The following DMXL1 variants were observed in gnomAD, a reference collection of about 807,000 sequenced individuals.
DMXL1 encodes the protein Dmx like 1, also known as dmX-like protein 1.
In DMXL1, 99 loss-of-function variants were observed where a neutral mutation model predicts 319.2. That is an observed-to-expected ratio of 0.31 (90% confidence interval 0.26 to 0.37). The LOEUF (loss-of-function observed/expected upper bound fraction) is 0.37. Ranked by LOEUF, DMXL1 falls within the 10% of genes least tolerant of loss-of-function variation. The pLI is 1.00. For synonymous variants in DMXL1, 1,385 were observed against 1,235.2 expected, an observed-to-expected ratio of 1.12 and a Z score of -2.54; for missense variants, 3,745 against 3,595.6, an observed-to-expected ratio of 1.04 and a Z score of -1.06.
chr5:119,130,353 GTTTT>G (rs1011590087), intron 10 of DMXL1, among the ~76,000 whole-genome samples: 4 of 149,448 alleles, frequency 2.7e-5, no homozygotes, highest in African/African-American at 7.4e-5. Flanking sequence ...TTGTTTGTTT[GTTTT>G]TTTTTGATGG....
At chr5:119,220,624 T>C (rs1304160986) in intron 36 of DMXL1, 31 bp downstream of exon 36, 1 of 1,602,274 alleles carries the variant, frequency 6.2e-7, no homozygotes, top group Non-Finnish European at 8.5e-7. Context: ...TATTTAGTAA[T>C]GTTGCAATAT....
At position 119,244,479 on chromosome 5, in the gene DMXL1, G is replaced by C. The variant is rs778128238; in HGVS notation, c.8825G>C (p.Arg2942Thr). 2.5e-6 allele frequency: 4 copies of C among 1,614,040 alleles called. No individual in the cohort carries two copies. The part of the protein sequence containing the change: ...YVFDLCQRQQ[R>T]QLFQSHDSPV... ...TTTGACCTTTGTCAACGACAACAGA[G>C]GCAGCTTTTCCAGAGCCATGATTCT... The change falls in exon 43 of 44, where the codon AGG becomes ACG. Residue 2942 changes from arginine (R) to threonine (T), a missense_variant. Coordinates refer to ENST00000539542, the MANE Select transcript of DMXL1 (RefSeq NM_001290321.3).
intron 34 of DMXL1, among the ~76,000 whole-genome samples, chr5:119,207,959 C>G (rs941528658): frequency 2.6e-5 from 4 of 152,152 alleles, no homozygotes; most frequent in African/African-American, 7.2e-5. Context: ...ACCCCTTATT[C>G]TTTCCAATGG....
At chr5:119,216,522 A>G (rs1327207494) in intron 34 of DMXL1, among the ~76,000 whole-genome samples, 1 of 152,208 alleles carries the variant, frequency 6.6e-6, no homozygotes, top group African/African-American at 2.4e-5. Flanking sequence ...AATATTGACT[A>G]TCTGACCTTT....
In DMXL1 at chr5:119,121,008, C is replaced by T. The variant is rs780238321; in HGVS notation, c.971C>T (p.Ser324Leu). 9.9e-6 allele frequency: 16 copies of T among 1,612,924 alleles called. No homozygotes were observed. Among genetic ancestry groups the T allele is most frequent in the Non-Finnish European group, 1.3e-5 (15 of 1,179,732 alleles). The change falls in exon 9 of 44, where the codon TCA becomes TTA. Residue 324 changes from serine (S) to leucine (L), a missense_variant. By Grantham distance (145) the Ser-to-Leu change is moderately radical (BLOSUM62 -2). Around this residue, in one of 4 missense-constraint regions of DMXL1, gnomAD observed 2,096 missense variants for 1,985.4 expected, o/e 1.06. Coordinates refer to ENST00000539542, the MANE Select transcript of DMXL1 (RefSeq NM_001290321.3). ...LRHFRRGRRRSLALVAHTGYL... is the reference protein window; with the variant it reads ...LRHFRRGRRRLLALVAHTGYL... The stretch of plus-strand genomic sequence containing the variant: ...CATTTTCGTAGAGGTCGGAGGAGAT[C>T]ACTTGCTCTTGTAGCACATACGGGA...
chr5:119,087,037 T>C (rs1753529308), intron 1 of DMXL1, among the ~76,000 whole-genome samples: 2 of 152,094 alleles, frequency 1.3e-5, no homozygotes, highest in Non-Finnish European at 2.9e-5. Context: ...TCTAGTTGTT[T>C]TGTCTTCTAT....
chr5:119,175,169 T>G, intron 25 of DMXL1, 92 bp from the exon 26 acceptor site: 1 of 924,702 alleles, frequency 1.1e-6, no homozygotes. Flanking sequence ...AATTTTTTCA[T>G]TCTTTTAAAA....
chr5:119,172,608 A>G (rs1383974685), intron 25 of DMXL1, among the ~76,000 whole-genome samples: 2 of 152,238 alleles, frequency 1.3e-5, no homozygotes, highest in African/African-American at 2.4e-5. Context: ...TGTCTAATCA[A>G]CCAAAGCATC....
chr5:119,164,916 A>T (rs1001050154), intron 20 of DMXL1, among the ~76,000 whole-genome samples: 1 of 152,026 alleles, frequency 6.6e-6, no homozygotes, highest in Non-Finnish European at 1.5e-5. Context: ...ATTTTTACAA[A>T]ATAATATATA....
chr5:119,180,510 A>C (rs1388431428), intron 28 of DMXL1, among the ~76,000 whole-genome samples: 1 of 151,888 alleles, frequency 6.6e-6, no homozygotes, highest in Non-Finnish European at 1.5e-5. Context: ...AATTAAACTC[A>C]TTTACTTCTC....
intron 1 of DMXL1, among the ~76,000 whole-genome samples, chr5:119,092,530 T>C (rs1755016702): frequency 6.6e-6 from 1 of 152,214 alleles, no homozygotes; most frequent in Non-Finnish European, 1.5e-5. Flanking sequence ...AAGTTCACCC[T>C]TTTAAAGTGT....
chr5:119,112,708 A>G (rs555496204), intron 5 of DMXL1, among the ~76,000 whole-genome samples: 1 of 152,238 alleles, frequency 6.6e-6, no homozygotes, highest in East Asian at 1.9e-4. Context: ...TGTAATCTGA[A>G]CACTTTGGGA....
intron 1 of DMXL1, chr5:119,081,698 G>A (rs1007948422): frequency 1.0e-6 from 1 of 985,320 alleles, no homozygotes; most frequent in African/African-American, 1.7e-5. Flanking sequence ...TTAACCAGAG[G>A]TACCCTTGCT....
At chr5:119,132,971 G>A (rs151112391) in intron 10 of DMXL1, 161 bp from the exon 11 acceptor site, 12 of 663,680 alleles carry the variant, frequency 1.8e-5, no homozygotes, top group Non-Finnish European at 3.1e-5. Flanking sequence ...TACGGATAAA[G>A]AGATGTGTAG....
At chr5:119,132,958 G>C (rs1765252438) in intron 10 of DMXL1, 174 bp from the exon 11 acceptor site, 1 of 644,780 alleles carries the variant, frequency 1.6e-6, no homozygotes, top group African/African-American at 1.8e-5. Flanking sequence ...ATATTGCAAA[G>C]AATACGGATA....
intron 1 of DMXL1, among the ~76,000 whole-genome samples, chr5:119,088,719 C>A (rs553806592): frequency 3.6e-4 from 55 of 152,108 alleles, no homozygotes; most frequent in Non-Finnish European, 6.6e-4. Flanking sequence ...GCGTTATTAT[C>A]TTAAAGGTAT....
chr5:119,077,237 C>T (rs923886858), intron 1 of DMXL1, among the ~76,000 whole-genome samples: 1 of 152,136 alleles, frequency 6.6e-6, no homozygotes, highest in East Asian at 1.9e-4. Flanking sequence ...GGTGAGCCTC[C>T]CTGTGATTAC....
chr5:119,141,621 A>C (rs996759590), intron 13 of DMXL1, among the ~76,000 whole-genome samples: 1 of 152,194 alleles, frequency 6.6e-6, no homozygotes, highest in Non-Finnish European at 1.5e-5. Context: ...ACACATGGGA[A>C]AAACATCCTA....
chr5:119,106,955 G>A lies in DMXL1; in HGVS notation c.364+1697G>A, dbSNP rs181261729. Among the ~76,000 whole-genome samples the A allele has an allele frequency of 5.7e-4, 87 of 152,276 alleles. 1 individual carries two copies. The East Asian group carries it at 0.01, about 18-fold the overall frequency. On this transcript the variant is annotated intron_variant, in intron 4 of 43. Coordinates refer to ENST00000539542, the MANE Select transcript of DMXL1 (RefSeq NM_001290321.3). The stretch of plus-strand genomic sequence containing the variant: ...TAATATGTAGGAGTTAGAGGTAGTG[G>A]AACATAAGGTATTAATTGGATATGT...
Sources: allele counts gnomAD v4.1 joint callset (sites outside exome capture counted in the v4.1 genomes callset), GRCh38; gene constraint gnomAD v4.1.1; regional missense constraint gnomAD v4.1.1; transcripts MANE v1.5; gene names NCBI Gene and HGNC (gene_info 2026-07-23, HGNC 2026-07-21).